Variants in MACROD2 observed in about 807,000 individuals in gnomAD.
The protein encoded by MACROD2 is mono-ADP ribosylhydrolase 2, also known as ADP-ribose glycohydrolase MACROD2.
MACROD2 carries 36 observed loss-of-function variants against 70.4 expected under a neutral mutation model. The observed-to-expected ratio is 0.51, with a 90% confidence interval of 0.39 to 0.68. The LOEUF (loss-of-function observed/expected upper bound fraction) is 0.68. Among genes scored for constraint, MACROD2 ranks in the 30% least tolerant of loss-of-function variants. The pLI, the probability that MACROD2 is intolerant of heterozygous loss-of-function variation, is 0.00. For missense variants in MACROD2, 496 were observed against 538.4 expected (o/e 0.92, Z 0.78); for synonymous variants, 172 against 178.8 (o/e 0.96, Z 0.30).
At chr20:14,870,703 T>C (rs1327522922) in intron 5 of MACROD2, among the ~76,000 whole-genome samples, 2 of 152,110 alleles carry the variant, frequency 1.3e-5, no homozygotes, top group Non-Finnish European at 2.9e-5. Flanking sequence ...ATCAGTGATG[T>C]TGAGGTTTTT....
chr20:14,451,677 G>C (rs572268662), intron 3 of MACROD2, among the ~76,000 whole-genome samples: 11 of 152,260 alleles, frequency 7.2e-5, no homozygotes, highest in Admixed American at 3.3e-4. Flanking sequence ...AAGAAACAAG[G>C]CAGTGGCTGG....
At chr20:15,073,747 T>C (rs8122398) in intron 5 of MACROD2, among the ~76,000 whole-genome samples, 4,117 of 152,280 alleles carry the variant, frequency 0.027, 66 homozygotes, top group Middle Eastern at 0.044. Flanking sequence ...TGAAGATGTT[T>C]GCAAAGGAAA....
intron 3 of MACROD2, among the ~76,000 whole-genome samples, chr20:14,318,136 A>G (rs1043118841): frequency 6.6e-6 from 1 of 152,200 alleles, no homozygotes; most frequent in Non-Finnish European, 1.5e-5. Flanking sequence ...GAACATTGAT[A>G]TGAACTAGCC....
chr20:15,719,295 T>G (rs2050750841), intron 8 of MACROD2, among the ~76,000 whole-genome samples: 1 of 152,160 alleles, frequency 6.6e-6, no homozygotes, highest in Non-Finnish European at 1.5e-5. Flanking sequence ...GCAGAAGAAT[T>G]TATGCACTTT....
At chr20:14,025,068 G>A (rs2053142527) in intron 2 of MACROD2, among the ~76,000 whole-genome samples, 1 of 152,068 alleles carries the variant, frequency 6.6e-6, no homozygotes, top group South Asian at 2.1e-4. Context: ...GTTTATTCAG[G>A]GATTTGACTT....
intron 8 of MACROD2, among the ~76,000 whole-genome samples, chr20:15,667,706 G>C (rs184231625): frequency 5.3e-5 from 8 of 152,186 alleles, no homozygotes; most frequent in South Asian, 4.2e-4. Flanking sequence ...CCTCCCACCT[G>C]TTACGGCTCT....
chr20:15,571,806 A>G (rs1342997755), intron 8 of MACROD2, among the ~76,000 whole-genome samples: 2 of 152,146 alleles, frequency 1.3e-5, no homozygotes, highest in East Asian at 3.8e-4. Flanking sequence ...TCAGACAGAT[A>G]GGGGGAAATA....
At chr20:14,917,150 T>C (rs1571520) in intron 5 of MACROD2, among the ~76,000 whole-genome samples, 32,950 of 150,198 alleles carry the variant, frequency 0.22, 4,397 homozygotes, top group African/African-American at 0.37. Context: ...CCTGCTCAGA[T>C]GGTTTTGCAT....
chr20:15,678,256 C>T (rs2050099290), intron 8 of MACROD2, among the ~76,000 whole-genome samples: 1 of 152,152 alleles, frequency 6.6e-6, no homozygotes, highest in African/African-American at 2.4e-5. Flanking sequence ...ATCCCAACAA[C>T]TCAGGAGGCT....
Position 14,671,811 on chromosome 20 carries a change from A to C in MACROD2, c.302-13032A>C, listed in dbSNP as rs80291014. 8.6e-3 allele frequency among the ~76,000 whole-genome samples: 1,307 copies of C among 152,242 alleles called. 18 individuals carry two copies. The highest frequency in any genetic ancestry group is 0.03 in the African/African-American group (1,232 of 41,548). ...ACATCTGTGAAGCTTCAAGATGTGG[A>C]TCTCCTTGTCATTGCATTGTATTTT... On this transcript the variant is annotated intron_variant, in intron 4 of 17. Coordinates refer to ENST00000684519, the MANE Select transcript of MACROD2 (RefSeq NM_001351661.2).
chr20:15,254,182 C>T (rs1245177694), intron 6 of MACROD2, among the ~76,000 whole-genome samples: 2 of 152,174 alleles, frequency 1.3e-5, no homozygotes, highest in African/African-American at 4.8e-5. Context: ...ATTTATCTCT[C>T]CATGCCTTGT....
intron 8 of MACROD2, among the ~76,000 whole-genome samples, chr20:15,698,420 G>A (rs1407329536): frequency 6.6e-6 from 1 of 152,184 alleles, no homozygotes; most frequent in Non-Finnish European, 1.5e-5. Flanking sequence ...CTTCTAGCTT[G>A]TAGGGTTTCT....
intron 8 of MACROD2, among the ~76,000 whole-genome samples, chr20:15,738,275 A>T (rs1241060507): frequency 1.3e-5 from 2 of 152,212 alleles, no homozygotes; most frequent in South Asian, 4.1e-4. Context: ...TACGCATTGC[A>T]TGCCTGTATC....
intron 8 of MACROD2, among the ~76,000 whole-genome samples, chr20:15,602,903 T>A (rs981182635): frequency 2.0e-5 from 3 of 151,422 alleles, no homozygotes; most frequent in African/African-American, 7.3e-5. Context: ...AGTTTTTTTT[T>A]AATATGTCCC....
At chr20:15,502,211 AG>A (rs2047373462) in intron 8 of MACROD2, among the ~76,000 whole-genome samples, 1 of 152,230 alleles carries the variant, frequency 6.6e-6, no homozygotes, top group Non-Finnish European at 1.5e-5. Flanking sequence ...AGACGTGCTG[AG>A]GACGTAATCT....
intron 5 of MACROD2, chr20:14,757,822 G>T (rs2071961408): frequency 1.3e-6 from 2 of 1,528,736 alleles, no homozygotes; most frequent in Middle Eastern, 2.3e-4. Context: ...TGCCCCCGGA[G>T]ATTGTGCCTG....
At chr20:14,241,582 C>A (rs991756970) in intron 3 of MACROD2, among the ~76,000 whole-genome samples, 1 of 151,832 alleles carries the variant, frequency 6.6e-6, no homozygotes, top group African/African-American at 2.4e-5. Context: ...AACATTGTAA[C>A]CATGGCCACC....
chr20:15,850,354 A>G (rs1289350017), intron 8 of MACROD2, among the ~76,000 whole-genome samples: 1 of 152,184 alleles, frequency 6.6e-6, no homozygotes, highest in Admixed American at 6.5e-5. Flanking sequence ...TTAATTTTCC[A>G]AACTCCAGCT....
chr20:16,002,467 A>C (rs1055116138), intron 15 of MACROD2, among the ~76,000 whole-genome samples: 2 of 152,152 alleles, frequency 1.3e-5, no homozygotes, highest in African/African-American at 4.8e-5. Context: ...TCTATAAGCA[A>C]ATAGGGAAGC....
Sources: allele counts gnomAD v4.1 joint callset (sites outside exome capture counted in the v4.1 genomes callset), GRCh38; gene constraint gnomAD v4.1.1; transcripts MANE v1.5; gene names NCBI Gene and HGNC (gene_info 2026-07-23, HGNC 2026-07-21).